Variants in AGBL4 observed in about 807,000 individuals in gnomAD.
AGBL4 encodes the protein AGBL carboxypeptidase 4, also known as cytosolic carboxypeptidase 6.
AGBL4 carries 58 observed loss-of-function variants against 66.4 expected under a neutral mutation model. That is an observed-to-expected ratio of 0.87 (90% CI 0.71 to 1.09). The LOEUF (loss-of-function observed/expected upper bound fraction) is 1.09. Ranked by LOEUF, AGBL4 falls within the 50% of genes least tolerant of loss-of-function variation. The probability of loss-of-function intolerance (pLI) is 0.00; values close to 1 mark genes in which losing one functional copy is unlikely to be tolerated. For synonymous variants in AGBL4, 234 were observed against 222.9 expected (o/e 1.05, Z -0.44); for missense variants, 579 against 631.0 (o/e 0.92, Z 0.88).
chr1:49,137,356 A>T (rs1646031842), intron 4 of AGBL4, among the ~76,000 whole-genome samples: 1 of 152,114 alleles, frequency 6.6e-6, no homozygotes, highest in Non-Finnish European at 1.5e-5. Context: ...TTTGTACAAG[A>T]TGATGTTGAT....
chr1:49,225,304 G>A (rs1649828967), intron 4 of AGBL4, among the ~76,000 whole-genome samples: 1 of 152,140 alleles, frequency 6.6e-6, no homozygotes, highest in Non-Finnish European at 1.5e-5. Context: ...CTGTGGAATT[G>A]AATTGATAGT....
chr1:48,980,884 T>G (rs1173110880), intron 5 of AGBL4, among the ~76,000 whole-genome samples: 1 of 151,466 alleles, frequency 6.6e-6, no homozygotes, highest in African/African-American at 2.4e-5. Context: ...AATATTCTAT[T>G]TGAATGCATA....
chr1:48,995,143 C>T (rs973084463), intron 5 of AGBL4, among the ~76,000 whole-genome samples: 1 of 152,174 alleles, frequency 6.6e-6, no homozygotes, highest in Non-Finnish European at 1.5e-5. Context: ...ATGTGACATA[C>T]AGTCCTACTC....
chr1:48,973,607 C>A (rs1218429684), intron 5 of AGBL4, among the ~76,000 whole-genome samples: 1 of 152,110 alleles, frequency 6.6e-6, no homozygotes, highest in Non-Finnish European at 1.5e-5. Flanking sequence ...ATCTATGGGA[C>A]TCAAGAGCTA....
At chr1:49,169,337 A>T (rs530846596) in intron 4 of AGBL4, among the ~76,000 whole-genome samples, 1 of 152,170 alleles carries the variant, frequency 6.6e-6, no homozygotes, top group Non-Finnish European at 1.5e-5. Context: ...CCTGATCTGT[A>T]TAACAACTGG....
chr1:49,318,157 T>C (rs1018870446), intron 3 of AGBL4, among the ~76,000 whole-genome samples: 5 of 151,986 alleles, frequency 3.3e-5, no homozygotes, highest in Non-Finnish European at 7.4e-5. Context: ...TTTAATAGTA[T>C]TTATTATGTT....
intron 6 of AGBL4, among the ~76,000 whole-genome samples, chr1:48,835,918 T>C (rs966777089): frequency 4.0e-5 from 6 of 151,740 alleles, no homozygotes; most frequent in Admixed American, 3.9e-4. Flanking sequence ...AGGAGGAATA[T>C]GAGATAAGGC....
At chr1:49,456,612 A>C (rs971895674) in intron 3 of AGBL4, among the ~76,000 whole-genome samples, 1 of 151,496 alleles carries the variant, frequency 6.6e-6, no homozygotes, top group Admixed American at 6.6e-5. Flanking sequence ...CTGGTAACAC[A>C]TGGTGTTTGC....
At chr1:49,649,654 T>C (rs957234361) in intron 3 of AGBL4, among the ~76,000 whole-genome samples, 1 of 152,098 alleles carries the variant, frequency 6.6e-6, no homozygotes, top group Admixed American at 6.6e-5. Flanking sequence ...ATAATGGACA[T>C]CTATAAACTA....
At chr1:49,229,058 C>A (rs1650113232) in intron 4 of AGBL4, among the ~76,000 whole-genome samples, 1 of 152,154 alleles carries the variant, frequency 6.6e-6, no homozygotes, top group Admixed American at 6.5e-5. Context: ...CAATACCCTT[C>A]CCGTTGCCAG....
intron 2 of AGBL4, among the ~76,000 whole-genome samples, chr1:49,736,296 G>A (rs572503874): frequency 1.4e-4 from 21 of 151,534 alleles, no homozygotes; most frequent in African/African-American, 3.6e-4. Flanking sequence ...AGAGTGACTC[G>A]TCATTAACAA....
chr1:49,917,345 C>T (rs1441815596), intron 1 of AGBL4, among the ~76,000 whole-genome samples: 3 of 151,786 alleles, frequency 2.0e-5, no homozygotes, highest in African/African-American at 7.3e-5. Flanking sequence ...AAACCCATCT[C>T]GTGTGCAGAC....
At chr1:48,645,026 C>T (rs146565287) in intron 8 of AGBL4, among the ~76,000 whole-genome samples, 3 of 152,334 alleles carry the variant, frequency 2.0e-5, no homozygotes, top group African/African-American at 4.8e-5. Flanking sequence ...CTTTGAAATG[C>T]TATTCAGCTG....
chr1:49,823,567 C>A (rs1645424341), intron 2 of AGBL4, among the ~76,000 whole-genome samples: 1 of 151,964 alleles, frequency 6.6e-6, no homozygotes, highest in Admixed American at 6.6e-5. Context: ...TACCTTTGGA[C>A]CTCAAATTTT....
chr1:49,045,501 C>T, intron 5 of AGBL4, 83 bp downstream of exon 5: 1 of 1,163,744 alleles, frequency 8.6e-7, no homozygotes. Flanking sequence ...TCATTATTTG[C>T]ATTGCATAAA....
At chr1:49,629,037 T>C (rs1218630645) in intron 3 of AGBL4, among the ~76,000 whole-genome samples, 1 of 152,318 alleles carries the variant, frequency 6.6e-6, no homozygotes, top group South Asian at 2.1e-4. Flanking sequence ...AATGGCAATA[T>C]GGTAGAGACC....
At chr1:49,682,667 C>T (rs908506518) in intron 3 of AGBL4, among the ~76,000 whole-genome samples, 2 of 152,218 alleles carry the variant, frequency 1.3e-5, no homozygotes, top group African/African-American at 4.8e-5. Context: ...GGTGTGTGAC[C>T]TGTGCAGCTG....
intron 2 of AGBL4, among the ~76,000 whole-genome samples, chr1:49,700,140 A>G (rs1647059866): frequency 6.6e-6 from 1 of 151,790 alleles, no homozygotes; most frequent in African/African-American, 2.4e-5. Flanking sequence ...ATAAAATGAC[A>G]AAAAGTTTTA....
chr1:49,979,958 G>T (rs921525287), intron 1 of AGBL4, among the ~76,000 whole-genome samples: 1 of 151,614 alleles, frequency 6.6e-6, no homozygotes, highest in African/African-American at 2.4e-5. Context: ...ATAAATTTGG[G>T]GTATTGATAA....
Sources: gnomAD v4.1 joint callset for allele counts (sites outside exome capture counted in the v4.1 genomes callset) on GRCh38, gnomAD v4.1.1 for gene constraint, MANE v1.5 for transcripts, NCBI Gene and HGNC (gene_info 2026-07-23, HGNC 2026-07-21) for gene names.